PEBP4: variants seen among roughly 807,000 people sequenced by gnomAD.
The protein encoded by PEBP4 is phosphatidylethanolamine-binding protein 4.
PEBP4 carries 22 observed loss-of-function variants against 23.9 expected under a neutral mutation model. The observed-to-expected ratio is 0.92, with a 90% CI of 0.66 to 1.31. The LOEUF (loss-of-function observed/expected upper bound fraction) is 1.31. PEBP4 is among the 40% of genes most tolerant of loss of function. The pLI is 0.00. For missense variants in PEBP4, 324 were observed against 281.7 expected (o/e 1.15, Z -1.07); for synonymous variants, 112 against 99.3 (o/e 1.13, Z -0.76).
intron 4 of PEBP4, among the ~76,000 whole-genome samples, chr8:22,799,187 C>T (rs967610637): frequency 1.3e-5 from 2 of 152,198 alleles, no homozygotes; most frequent in African/African-American, 4.8e-5. Flanking sequence ...CTTTGACCTC[C>T]CCCTCCTGCC....
chr8:22,793,692 G>C (rs1383020401), intron 4 of PEBP4, among the ~76,000 whole-genome samples: 1 of 152,156 alleles, frequency 6.6e-6, no homozygotes, highest in Non-Finnish European at 1.5e-5. Flanking sequence ...GAGTAGCATT[G>C]TGGATGAATT....
intron 3 of PEBP4, among the ~76,000 whole-genome samples, chr8:22,835,013 C>A (rs1411700705): frequency 6.6e-6 from 1 of 152,208 alleles, no homozygotes; most frequent in African/African-American, 2.4e-5. Context: ...ACGCCTAGGT[C>A]ACTTCTGACA....
intron 3 of PEBP4, among the ~76,000 whole-genome samples, chr8:22,903,236 A>T (rs1473632665): frequency 6.6e-6 from 1 of 152,162 alleles, no homozygotes. Flanking sequence ...CTGGCGTTGA[A>T]ATCCTGGCTT....
chr8:22,767,600 C>T (rs894396297), intron 4 of PEBP4, among the ~76,000 whole-genome samples: 9 of 151,704 alleles, frequency 5.9e-5, no homozygotes, highest in Non-Finnish European at 1.0e-4. Flanking sequence ...ATAATCTCAC[C>T]TTGCCGGGGG....
chr8:22,915,679 C>T (rs1172425698), intron 3 of PEBP4, among the ~76,000 whole-genome samples: 1 of 152,216 alleles, frequency 6.6e-6, no homozygotes, highest in African/African-American at 2.4e-5. Flanking sequence ...AGTGGGCCTG[C>T]ACTTGACCGC....
chr8:22,765,982 G>T (rs1045404283), intron 4 of PEBP4, among the ~76,000 whole-genome samples: 1 of 152,392 alleles, frequency 6.6e-6, no homozygotes, highest in South Asian at 2.1e-4. Flanking sequence ...ACCAAGCGAG[G>T]AAACATGTCA....
At chr8:22,742,897 A>G (rs1805027520) in intron 4 of PEBP4, among the ~76,000 whole-genome samples, 1 of 152,232 alleles carries the variant, frequency 6.6e-6, no homozygotes, top group Non-Finnish European at 1.5e-5. Context: ...GCAGTCTGGC[A>G]GGACACAAGA....
intron 3 of PEBP4, among the ~76,000 whole-genome samples, chr8:22,910,046 C>T (rs570782861): frequency 2.6e-5 from 4 of 152,314 alleles, no homozygotes; most frequent in Middle Eastern, 3.4e-3. Flanking sequence ...GAGGCTCAAA[C>T]GAGGTACTGA....
In PEBP4 at chr8:22,770,792, C is replaced by T. The variant is rs950647746; in HGVS notation, c.358-43572G>A. ...TAGCAGTTCAGGCTGTGTGGTTTAA[C>T]GGAAAGCACACGTATCCACGCATCC... On this transcript the variant is annotated intron_variant, in intron 4 of 6. Transcript: ENST00000256404. Among the ~76,000 whole-genome samples, 11 of 152,286 alleles carry T rather than the reference C, an allele frequency of 7.2e-5. No individual in the cohort carries two copies. The South Asian group carries it at 1.4e-3, about 20-fold the overall frequency.
intron 1 of PEBP4, among the ~76,000 whole-genome samples, chr8:22,933,213 G>A (rs561407420): frequency 1.3e-5 from 2 of 152,180 alleles, no homozygotes; most frequent in East Asian, 3.9e-4. Flanking sequence ...AAGGGAAAAG[G>A]GGAAGCATTG....
chr8:22,775,277 A>G lies in PEBP4; in HGVS notation c.357+42360T>C, dbSNP rs7821407. On this transcript the variant is annotated intron_variant, in intron 4 of 6. Coordinates refer to ENST00000256404, the MANE Select transcript of PEBP4 (RefSeq NM_144962.3). This position sits in a 1 kb window ranked among gnomAD's most constrained non-coding sequence, Gnocchi z 4.8. ...ATCTTTCAGGGACCCGGAAGCCCCA[A>G]GCATCTGGCAAGGAGGGTTCCTGAG... 0.22 allele frequency among the ~76,000 whole-genome samples: 33,605 copies of G among 152,092 alleles called. 3,872 individuals carry two copies. Among genetic ancestry groups the G allele is most frequent in the East Asian group, 0.31 (1,621 of 5,160 alleles).
At chr8:22,831,235 T>C (rs1397440023) in intron 3 of PEBP4, among the ~76,000 whole-genome samples, 1 of 152,248 alleles carries the variant, frequency 6.6e-6, no homozygotes, top group Non-Finnish European at 1.5e-5. Flanking sequence ...GTTCCTTTGT[T>C]AATCATCCTT....
At chr8:22,779,327 A>T (rs748655367) in intron 4 of PEBP4, among the ~76,000 whole-genome samples, 1 of 152,146 alleles carries the variant, frequency 6.6e-6, no homozygotes, top group Admixed American at 6.5e-5. Flanking sequence ...TATTGGCCTC[A>T]ATTTACAAAG....
chr8:22,850,704 A>G (rs887347329), intron 3 of PEBP4, among the ~76,000 whole-genome samples: 4 of 152,134 alleles, frequency 2.6e-5, no homozygotes, highest in African/African-American at 7.2e-5. Flanking sequence ...TCCTCCCAAC[A>G]TGGTTTGAAA....
At chr8:22,836,456 C>A (rs1055201558) in intron 3 of PEBP4, among the ~76,000 whole-genome samples, 1 of 152,262 alleles carries the variant, frequency 6.6e-6, no homozygotes, top group Non-Finnish European at 1.5e-5. Context: ...TTTAAAACAT[C>A]CATGCTACAA....
intron 3 of PEBP4, among the ~76,000 whole-genome samples, chr8:22,868,680 C>CA (rs1807951989): frequency 6.6e-6 from 1 of 152,168 alleles, no homozygotes; most frequent in Non-Finnish European, 1.5e-5. Flanking sequence ...TGGCTCAGGT[C>CA]AAAAATTTTT....
At chr8:22,757,503 T>C (rs1287483219) in intron 4 of PEBP4, 1 of 151,924 alleles carries the variant, frequency 6.6e-6, no homozygotes, top group African/African-American at 2.4e-5. Flanking sequence ...CCCATAGGGG[T>C]GAAGGACAGG....
chr8:22,925,746 C>T (rs2128781762), intron 2 of PEBP4, among the ~76,000 whole-genome samples: 1 of 152,284 alleles, frequency 6.6e-6, no homozygotes, highest in Middle Eastern at 3.4e-3. Context: ...TGCTGAGGTC[C>T]TCCTTAAGGG....
At chr8:22,884,183 CAG>C (rs1808323326) in intron 3 of PEBP4, 1 of 152,228 alleles carries the variant, frequency 6.6e-6, no homozygotes. Flanking sequence ...GGCTCCCACA[CAG>C]AGAGCAGACA....
Sources: gnomAD v4.1 joint callset for allele counts (sites outside exome capture counted in the v4.1 genomes callset) on GRCh38, gnomAD v4.1.1 for gene constraint, Gnocchi (gnomAD v3.1) non-coding constraint, MANE v1.5 for transcripts, NCBI Gene and HGNC (gene_info 2026-07-23, HGNC 2026-07-21) for gene names.